ASCC3: variants seen among roughly 807,000 people sequenced by gnomAD.
ASCC3 encodes the protein ASC-1 complex subunit P200.
A neutral mutation model predicts 256.3 loss-of-function variants in ASCC3; 158 were observed. The observed-to-expected ratio is 0.62, with a 90% CI of 0.54 to 0.70. The LOEUF is 0.70. ASCC3 is among the 30% of genes least tolerant of loss of function. The pLI, the probability that ASCC3 is intolerant of heterozygous loss-of-function variation, is 0.00. For synonymous variants in ASCC3, 948 were observed against 883.4 expected (o/e 1.07, Z -1.30); for missense variants, 2,259 against 2,626.0 (o/e 0.86, Z 3.05).
intron 13 of ASCC3, among the ~76,000 whole-genome samples, chr6:100,698,625 C>A (rs1445173198): frequency 1.3e-5 from 2 of 151,930 alleles, no homozygotes; most frequent in Non-Finnish European, 2.9e-5. Context: ...TTTAATACTT[C>A]TAATAGAAAG....
At chr6:100,580,161 T>A (rs1017344157) in intron 36 of ASCC3, among the ~76,000 whole-genome samples, 1 of 152,152 alleles carries the variant, frequency 6.6e-6, no homozygotes, top group Non-Finnish European at 1.5e-5. Context: ...TCTACTGATT[T>A]GCGTACACTA....
intron 10 of ASCC3, among the ~76,000 whole-genome samples, chr6:100,753,327 T>C (rs1473721479): frequency 6.6e-6 from 1 of 151,392 alleles, no homozygotes; most frequent in Non-Finnish European, 1.5e-5. Context: ...AAACATTTAT[T>C]TTTGACAATA....
At chr6:100,660,959 CTT>C (rs1776165497) in intron 16 of ASCC3, among the ~76,000 whole-genome samples, 1 of 151,570 alleles carries the variant, frequency 6.6e-6, no homozygotes, top group Admixed American at 6.6e-5. Flanking sequence ...TCTAAAAAGA[CTT>C]ATCAATAATA....
chr6:100,641,021 A>G (rs1037667670), intron 24 of ASCC3, among the ~76,000 whole-genome samples: 3 of 152,178 alleles, frequency 2.0e-5, no homozygotes, highest in Middle Eastern at 3.2e-3. Flanking sequence ...CTATAAATTA[A>G]GGCCCTCTTA....
At position 100,625,236 on chromosome 6, in the gene ASCC3, T is replaced by C. The variant is rs552079511; in HGVS notation, c.4741A>G (p.Thr1581Ala). Residue 1581 changes from threonine to alanine, a missense_variant, in exon 30 of 42, where the codon ACT becomes GCT. Transcript: ENST00000369162. The part of the protein sequence containing the change: ...TALELIAFLA[T>A]EEDPKQWLNM... The stretch of plus-strand genomic sequence containing the variant: ...AACCACTGCTTTGGATCTTCTTCAG[T>C]AGCCAGGAAGGCGATCAATTCCAAA... The C allele has an allele frequency of 1.9e-6, 3 of 1,612,920 alleles. No individual in the cohort carries two copies. Among genetic ancestry groups the C allele is most frequent in the Non-Finnish European group, 1.7e-6 (2 of 1,179,300 alleles).
At chr6:100,541,674 A>G (rs1775471181) in intron 36 of ASCC3, among the ~76,000 whole-genome samples, 1 of 152,196 alleles carries the variant, frequency 6.6e-6, no homozygotes, top group Admixed American at 6.5e-5. Flanking sequence ...AAAATACAGT[A>G]CTCAAGAAGG....
intron 11 of ASCC3, among the ~76,000 whole-genome samples, chr6:100,718,884 T>C (rs563311657): frequency 4.9e-4 from 75 of 152,138 alleles, no homozygotes; most frequent in Non-Finnish European, 7.5e-4. Flanking sequence ...TGATGTAACA[T>C]ACCTAAAAAG....
At chr6:100,862,351 A>G (rs1490261078) in intron 3 of ASCC3, among the ~76,000 whole-genome samples, 1 of 152,188 alleles carries the variant, frequency 6.6e-6, no homozygotes. Flanking sequence ...TACTTTCACA[A>G]CTTAAAACAA....
intron 36 of ASCC3, among the ~76,000 whole-genome samples, chr6:100,542,082 T>C (rs1183080477): frequency 6.6e-6 from 1 of 151,916 alleles, no homozygotes; most frequent in East Asian, 1.9e-4. Flanking sequence ...TAATGCACAG[T>C]GTGGAAGGAA....
intron 13 of ASCC3, among the ~76,000 whole-genome samples, chr6:100,706,437 A>C (rs1329576223): frequency 1.3e-5 from 2 of 151,400 alleles, no homozygotes; most frequent in Non-Finnish European, 3.0e-5. Flanking sequence ...TTAAGGTCAA[A>C]GAAAAAAATA....
chr6:100,680,895 T>C (rs759016719), intron 13 of ASCC3, among the ~76,000 whole-genome samples: 19 of 152,186 alleles, frequency 1.2e-4, no homozygotes, highest in Non-Finnish European at 2.2e-4. Context: ...TCAAGAATTG[T>C]ATCTAGTCAG....
In ASCC3 at chr6:100,815,903, T is replaced by C. The variant is rs1429071803; in HGVS notation, c.802-10023A>G. ...AAAATGCCAAAAGCAATTGCAAAAA[T>C]TGATAAATGGGATCTAATTAAAAGA... On this transcript the variant is annotated intron_variant, in intron 4 of 41. Coordinates refer to ENST00000369162, the MANE Select transcript of ASCC3 (RefSeq NM_006828.4). Among the ~76,000 whole-genome samples, 5 of 151,898 alleles carry C rather than the reference T, an allele frequency of 3.3e-5. No homozygotes were observed. In the East Asian group the frequency reaches 5.8e-4, roughly 18 times the overall value.
chr6:100,730,710 T>C (rs370674630), intron 10 of ASCC3, among the ~76,000 whole-genome samples: 57 of 152,304 alleles, frequency 3.7e-4, no homozygotes, highest in Admixed American at 1.5e-3. Context: ...GATATACAAA[T>C]GTCAGTTCTG....
intron 10 of ASCC3, among the ~76,000 whole-genome samples, chr6:100,754,884 G>A (rs952416886): frequency 1.3e-5 from 2 of 152,008 alleles, no homozygotes; most frequent in African/African-American, 4.8e-5. Context: ...TATAAAGGGT[G>A]GTTCCTCTGC....
At chr6:100,509,699 G>C (rs1009272176) in intron 41 of ASCC3, among the ~76,000 whole-genome samples, 166 bp from the exon 42 acceptor site, 18 of 152,048 alleles carry the variant, frequency 1.2e-4, no homozygotes, top group African/African-American at 4.3e-4. Flanking sequence ...AGGAGATGGA[G>C]ACCACGGTGA....
chr6:100,847,247 C>A (rs1000579169), intron 4 of ASCC3, among the ~76,000 whole-genome samples: 1 of 151,876 alleles, frequency 6.6e-6, no homozygotes, highest in African/African-American at 2.4e-5. Flanking sequence ...TTATGATGAG[C>A]AAATATTAGT....
In ASCC3 at chr6:100,628,894, C is replaced by T. The variant is rs964212472; in HGVS notation, c.4375+121G>A. 7 of 949,046 alleles carry T rather than the reference C, an allele frequency of 7.4e-6. No homozygotes were observed. In the East Asian group the frequency reaches 1.6e-4, roughly 22 times the overall value. The allele number at this position is 949,046 out of a possible 1,614,324, so 58.8% of individuals were successfully genotyped here. On this transcript the variant is annotated intron_variant, in intron 27 of 41. Coordinates refer to ENST00000369162, the MANE Select transcript of ASCC3 (RefSeq NM_006828.4). ...ATAATTCCACATTATATACATACAT[C>T]AAAAAATCACATTGTGCCCTAGAAA...
At chr6:100,876,582 T>C (rs1431463271) in intron 1 of ASCC3, among the ~76,000 whole-genome samples, 1 of 152,146 alleles carries the variant, frequency 6.6e-6, no homozygotes, top group Non-Finnish European at 1.5e-5. Context: ...TAAAGATGAA[T>C]CATAACATTC....
At chr6:100,811,346 C>A (rs12200293) in intron 4 of ASCC3, among the ~76,000 whole-genome samples, 11,972 of 152,182 alleles carry the variant, frequency 0.079, 662 homozygotes, top group East Asian at 0.15. Flanking sequence ...TTTCTCAAAT[C>A]TTTCTCCCTT....
Sources: gnomAD v4.1 joint callset for allele counts (sites outside exome capture counted in the v4.1 genomes callset) on GRCh38, gnomAD v4.1.1 for gene constraint, MANE v1.5 for transcripts, NCBI Gene and HGNC (gene_info 2026-07-23, HGNC 2026-07-21) for gene names.